The following BIN3 variants were observed in gnomAD, a reference collection of about 807,000 sequenced individuals.
The protein encoded by BIN3 is bridging integrator 3.
BIN3 carries 41 observed loss-of-function variants against 38.2 expected under a neutral mutation model. The observed-to-expected ratio is 1.07, with a 90% confidence interval of 0.84 to 1.39. The LOEUF is 1.39. Among genes scored for constraint, BIN3 ranks in the 40% most tolerant of loss-of-function variants. The probability of loss-of-function intolerance (pLI) is 0.00; values close to 1 mark genes in which losing one functional copy is unlikely to be tolerated. For synonymous variants in BIN3, 145 were observed against 122.6 expected (o/e 1.18, Z -1.21); for missense variants, 361 against 324.3 (o/e 1.11, Z -0.87).
rs1801752701 is a variant in BIN3, at chr8:22,620,608, T to TG, written c.*813dup. The TG allele has an allele frequency of 6.6e-6, 1 of 152,194 alleles. No homozygotes were observed. The highest frequency in any genetic ancestry group is 6.5e-5 in the Admixed American group (1 of 15,280). The allele number at this position is 152,194 out of a possible 1,614,324, so 9.4% of individuals were successfully genotyped here. On this transcript the variant is annotated 3_prime_UTR_variant, in exon 9 of 9. Transcript: ENST00000276416. The stretch of plus-strand genomic sequence containing the variant: ...GGCCGGGGAGGTGCGCACACACCCC[T>TG]GGCATGCTGGGCTGCCTGCTGGAGG...
intron 4 of BIN3, among the ~76,000 whole-genome samples, chr8:22,633,160 T>A (rs1014031737): frequency 2.6e-5 from 4 of 152,004 alleles, no homozygotes; most frequent in Non-Finnish European, 2.9e-5. Context: ...AGAGCTGGGG[T>A]AGATGACACC....
chr8:22,652,987 T>G (rs1347322286), intron 1 of BIN3, among the ~76,000 whole-genome samples: 1 of 152,244 alleles, frequency 6.6e-6, no homozygotes. Flanking sequence ...AGAGCCTTTT[T>G]CAGCTTACTG....
intron 1 of BIN3, among the ~76,000 whole-genome samples, chr8:22,656,140 G>C (rs993059935): frequency 6.6e-6 from 1 of 151,370 alleles, no homozygotes; most frequent in African/African-American, 2.4e-5. Flanking sequence ...ATTAACTTTT[G>C]AAGATCCTAT....
chr8:22,621,349 C>T lies in BIN3; in HGVS notation c.*73G>A. 6.6e-7 allele frequency: 1 copy of T among 1,520,780 alleles called. No homozygotes were observed. The allele number at this position is 1,520,780 out of a possible 1,614,324, so 94.2% of individuals were successfully genotyped here. A position where few individuals can be genotyped will look rare whatever the true frequency, so the allele number is the denominator to read the frequency against. ...CTCTGTCCCCAGCCTGTGAGAGGAG[C>T]AGCTAGCCCTGAGAAGGGCAAGGAT... On this transcript the variant is annotated 3_prime_UTR_variant, in exon 9 of 9. Transcript: ENST00000276416.
intron 6 of BIN3, among the ~76,000 whole-genome samples, chr8:22,628,107 G>A (rs1053273195): frequency 5.3e-5 from 8 of 152,240 alleles, no homozygotes; most frequent in South Asian, 4.1e-4. Context: ...TGGGCTGGGC[G>A]CAGCCAGCAC....
chr8:22,630,561 C>A lies in BIN3; in HGVS notation c.178G>T (p.Val60Leu). The A allele has an allele frequency of 6.2e-7, 1 of 1,613,912 alleles. No individual in the cohort carries two copies. Among genetic ancestry groups the A allele is most frequent in the Non-Finnish European group, 8.5e-7 (1 of 1,179,826 alleles). ...GAGAGTAAGTCCAAGGATATCTTCA[C>A]GGCAGATTTTGACATGGCTGTGGGA... ...DADLAMSKSA[V>L]KISLDLLSNP... The change falls in exon 5 of 9, where the codon GTG (valine) becomes TTG (leucine). Residue 60 changes from valine (V) to leucine (L), a missense_variant. Val to Leu is a conservative substitution (Grantham distance 32). Transcript: ENST00000276416.
intron 1 of BIN3, among the ~76,000 whole-genome samples, chr8:22,645,616 A>C (rs1397158609): frequency 6.6e-6 from 1 of 150,770 alleles, no homozygotes; most frequent in Non-Finnish European, 1.5e-5. Flanking sequence ...CGAGGATGGC[A>C]GGAAAGGGAA....
intron 1 of BIN3, among the ~76,000 whole-genome samples, chr8:22,662,087 G>T (rs973360028): frequency 6.6e-6 from 1 of 152,158 alleles, no homozygotes; most frequent in Non-Finnish European, 1.5e-5. Flanking sequence ...GAGCCAACAC[G>T]CCCGGCCCAT....
chr8:22,661,352 C>CTTTTTTTTTTTTTT lies in BIN3; in HGVS notation c.8+7678_8+7691dup, dbSNP rs751194383. On this transcript the variant is annotated intron_variant, in intron 1 of 8. Transcript: ENST00000276416. ...ATAGTACAATGTTGAATGTATCATTCTTTTTTTTTTTTTTTTTTTTTTTGA... is the reference window on the plus strand; with the variant it reads ...ATAGTACAATGTTGAATGTATCATTCTTTTTTTTTTTTTTTTTTTTTTTTTTTTTTTTTTTTTGA... 2.7e-4 allele frequency among the ~76,000 whole-genome samples: 23 copies of CTTTTTTTTTTTTTT among 84,448 alleles called. 4 individuals carry two copies. Among genetic ancestry groups the CTTTTTTTTTTTTTT allele is most frequent in the East Asian group, 4.1e-4 (1 of 2,444 alleles). 55.4% of individuals were successfully genotyped at this position (84,448 alleles called of 152,430 possible).
intron 1 of BIN3, among the ~76,000 whole-genome samples, chr8:22,664,582 C>G (rs553294630): frequency 6.6e-6 from 1 of 152,242 alleles, no homozygotes; most frequent in Non-Finnish European, 1.5e-5. Context: ...TACCAACCTG[C>G]TAGTGTCAAC....
At chr8:22,624,935 C>T in intron 6 of BIN3, 1 of 245,484 alleles carries the variant, frequency 4.1e-6, no homozygotes, top group African/African-American at 2.2e-5. Context: ...CCTCACAGTG[C>T]CACTGGCAGG....
chr8:22,638,542 T>TA (rs1440853451), intron 2 of BIN3, among the ~76,000 whole-genome samples: 3 of 152,184 alleles, frequency 2.0e-5, no homozygotes, highest in African/African-American at 7.2e-5. Context: ...GTGGTGGAGA[T>TA]AAACAACTGC....
intron 1 of BIN3, 46 bp downstream of exon 1, chr8:22,668,998 G>C (rs764616973): frequency 6.4e-6 from 10 of 1,555,890 alleles, no homozygotes; most frequent in Non-Finnish European, 8.7e-6. Flanking sequence ...CAGGGGCCTC[G>C]CGGGTCCGCG....
rs530009409 is a variant in BIN3 at position 22,638,086 on chromosome 8, T to C, written c.58-1124A>G. 4.6e-5 allele frequency among the ~76,000 whole-genome samples: 7 copies of C among 152,342 alleles called. No homozygotes were observed. In the East Asian group the frequency reaches 1.3e-3, roughly 29 times the overall value. ...GACCCAAGAAAGAAGTCTTCCTGGCTGCTCCCTGGGAATCCTGTCCCCAAG... is the reference window on the plus strand; with the variant it reads ...GACCCAAGAAAGAAGTCTTCCTGGCCGCTCCCTGGGAATCCTGTCCCCAAG... On this transcript the variant is annotated intron_variant, in intron 2 of 8. Transcript: ENST00000276416.
chr8:22,625,632 G>T (rs1347922323), intron 6 of BIN3: 3 of 552,056 alleles, frequency 5.4e-6, no homozygotes, highest in Non-Finnish European at 9.8e-6. Flanking sequence ...CTCTCACCCA[G>T]GCTGGAGTAC....
At chr8:22,625,053 C>G (rs10102804) in intron 6 of BIN3, 29,011 of 414,202 alleles carry the variant, frequency 0.07, 2,446 homozygotes, top group African/African-American at 0.28. Context: ...CCATTGGAAC[C>G]GCCAAAGTTC....
rs1055649021 is a variant in BIN3, at chr8:22,625,249, C to T, written c.339-886G>A. 3.4e-5 allele frequency: 24 copies of T among 698,088 alleles called. 1 individual carries two copies. The highest frequency in any genetic ancestry group is 8.0e-5 in the Admixed American group (4 of 49,774). The allele number at this position is 698,088 out of a possible 1,614,324, so 43.2% of individuals were successfully genotyped here. On this transcript the variant is annotated intron_variant, in intron 6 of 8. Transcript: ENST00000276416. The stretch of plus-strand genomic sequence containing the variant: ...GACCAGGAGCAGTGCTCTCCTGAGG[C>T]TCTCGCTGCTGCTGCTGGAGGGCTG...
chr8:22,622,010 C>G (rs1040404071), intron 8 of BIN3, among the ~76,000 whole-genome samples: 1 of 152,234 alleles, frequency 6.6e-6, no homozygotes, highest in Non-Finnish European at 1.5e-5. Context: ...AGGGGATGCC[C>G]GTCTAGCCTT....
intron 1 of BIN3, among the ~76,000 whole-genome samples, chr8:22,651,575 C>T (rs1802891896): frequency 6.6e-6 from 1 of 152,210 alleles, no homozygotes; most frequent in South Asian, 2.1e-4. Context: ...CTAATTTGGG[C>T]ATAGAATTAA....
Sources: gnomAD v4.1 joint callset for allele counts (sites outside exome capture counted in the v4.1 genomes callset) on GRCh38, gnomAD v4.1.1 for gene constraint, MANE v1.5 for transcripts, NCBI Gene and HGNC (gene_info 2026-07-23, HGNC 2026-07-21) for gene names.